MR1: variants seen among roughly 807,000 people sequenced by gnomAD.
MR1 encodes the protein major histocompatibility complex class I-related protein 1.
Under a neutral mutation model 37.8 loss-of-function variants are expected in MR1, and 44 were observed. The ratio of observed to expected loss-of-function variants is 1.16; its 90% confidence interval spans 0.91 to 1.50. The LOEUF (loss-of-function observed/expected upper bound fraction) is 1.50. Ranked by LOEUF, MR1 falls within the 40% of genes most tolerant of loss-of-function variation. The pLI, the probability that MR1 is intolerant of heterozygous loss-of-function variation, is 0.00. For missense variants in MR1, 386 were observed against 419.1 expected (o/e 0.92, Z 0.69); for synonymous variants, 153 against 155.8 (o/e 0.98, Z 0.13).
intron 2 of MR1, 100 bp from the exon 3 acceptor site, chr1:181,049,911 G>T (rs1191829577): frequency 1.0e-5 from 14 of 1,395,686 alleles, no homozygotes; most frequent in Non-Finnish European, 1.3e-5. Context: ...GTGACATAAT[G>T]TAGACCAAAG....
chr1:181,055,974 T>C lies in MR1; in HGVS notation c.*709T>C, dbSNP rs16856699. ...TCTATGGAGGTAGTCTCACCCTTTT[T>C]GTCTTTTGTGGGAAATTAAGAGAAA... On this transcript the variant is annotated 3_prime_UTR_variant, in exon 6 of 6. Coordinates refer to ENST00000367580, the MANE Select transcript of MR1 (RefSeq NM_001385161.1). 0.3 allele frequency: 46,018 copies of C among 152,104 alleles called. 8,526 individuals carry two copies. Among genetic ancestry groups the C allele is most frequent in the East Asian group, 0.67 (3,459 of 5,176 alleles). 9.4% of individuals were successfully genotyped at this position (152,104 alleles called of 1,614,324 possible).
intron 1 of MR1, among the ~76,000 whole-genome samples, chr1:181,043,047 G>A (rs1047184534): frequency 6.6e-6 from 1 of 152,154 alleles, no homozygotes; most frequent in Non-Finnish European, 1.5e-5. Flanking sequence ...GGAAACAGAA[G>A]GCAGAATCTG....
intron 1 of MR1, among the ~76,000 whole-genome samples, chr1:181,037,558 C>T (rs754114808): frequency 6.6e-5 from 10 of 152,142 alleles, no homozygotes; most frequent in Non-Finnish European, 1.5e-4. Context: ...CACAGTATTG[C>T]TAAGAGCTGG....
intron 1 of MR1, among the ~76,000 whole-genome samples, chr1:181,039,891 AAAG>A (rs1657468228): frequency 6.6e-6 from 1 of 152,022 alleles, no homozygotes; most frequent in Admixed American, 6.6e-5. Context: ...AGAAAAAAGA[AAAG>A]AAAAATTGCC....
chr1:181,042,921 C>G (rs1367654955), intron 1 of MR1, among the ~76,000 whole-genome samples: 1 of 152,176 alleles, frequency 6.6e-6, no homozygotes, highest in African/African-American at 2.4e-5. Flanking sequence ...TACCAAGCTA[C>G]TACCATGTGC....
rs1658856527 is a variant in MR1 at position 181,060,639 on chromosome 1, A to G, written c.*5374A>G. 2 of 152,174 alleles carry G rather than the reference A, an allele frequency of 1.3e-5. No individual in the cohort carries two copies. Among genetic ancestry groups the G allele is most frequent in the South Asian group, 4.1e-4 (2 of 4,830 alleles). The allele number at this position is 152,174 out of a possible 1,614,324, so 9.4% of individuals were successfully genotyped here. A position where few individuals can be genotyped will look rare whatever the true frequency, so the allele number is the denominator to read the frequency against. On this transcript the variant is annotated 3_prime_UTR_variant, in exon 6 of 6. Coordinates refer to ENST00000367580, the MANE Select transcript of MR1 (RefSeq NM_001385161.1). ...AAATGTTCTTCCTTTAAATCACAAC[A>G]CTTAGTTCTCTTCCATTTATAAGAC...
intron 1 of MR1, among the ~76,000 whole-genome samples, chr1:181,045,878 G>A (rs1251560278): frequency 6.6e-6 from 1 of 152,252 alleles, no homozygotes; most frequent in Non-Finnish European, 1.5e-5. Context: ...GCGCTTGCGG[G>A]CCAGCTGGAG....
At chr1:181,043,064 A>G (rs1230540551) in intron 1 of MR1, among the ~76,000 whole-genome samples, 2 of 152,166 alleles carry the variant, frequency 1.3e-5, no homozygotes, top group Admixed American at 6.5e-5. Flanking sequence ...TCTGGTAGCT[A>G]TTGGTTTTAC....
chr1:181,053,496 C>T, intron 4 of MR1, 77 bp from the exon 5 acceptor site: 1 of 1,107,204 alleles, frequency 9.0e-7, no homozygotes, highest in African/African-American at 1.5e-5. Context: ...CTGATGATCA[C>T]AGGGACAAAA....
intron 5 of MR1, 114 bp from the exon 6 acceptor site, chr1:181,055,111 G>A (rs769520718): frequency 3.3e-6 from 3 of 917,786 alleles, no homozygotes; most frequent in Non-Finnish European, 5.3e-6. Context: ...TCTTGACAAA[G>A]CAAGCTAAAA....
chr1:181,049,873 C>G (rs1214349659), intron 2 of MR1, 138 bp from the exon 3 acceptor site: 2 of 980,460 alleles, frequency 2.0e-6, no homozygotes, highest in African/African-American at 3.3e-5. Flanking sequence ...CTCCTGGGGA[C>G]TCAGCGATGC....
chr1:181,044,056 C>T (rs371957034), intron 1 of MR1, among the ~76,000 whole-genome samples: 27 of 150,692 alleles, frequency 1.8e-4, no homozygotes, highest in Non-Finnish European at 3.4e-4. Context: ...CTCCGCCTCC[C>T]GGGTTCACAC....
Position 181,049,100 on chromosome 1 carries a change from A to G in MR1, c.116A>G (p.His39Arg), listed in dbSNP as rs2236410. 257,505 of 1,613,918 alleles carry G rather than the reference A, an allele frequency of 0.16. 22,152 individuals are homozygous for G. Among genetic ancestry groups the G allele is most frequent in the East Asian group, 0.36 (16,087 of 44,870 alleles). ...CGCCTGGGCGTTTCGGATCCCATCC[A>G]TGGGGTCCCTGAATTTATTTCGGTT... ...YFRLGVSDPI[H>R]GVPEFISVGY... Residue 39 changes from histidine (H) to arginine (R), a missense_variant, in exon 2 of 6, where the codon CAT (histidine) becomes CGT (arginine). Transcript: ENST00000367580.
At chr1:181,037,951 C>T (rs538991138) in intron 1 of MR1, among the ~76,000 whole-genome samples, 1 of 152,222 alleles carries the variant, frequency 6.6e-6, no homozygotes, top group Admixed American at 6.5e-5. Context: ...GTCCCTCTAT[C>T]TAAAAGATCA....
Position 181,057,939 on chromosome 1 carries a change from G to A in MR1, c.*2674G>A, listed in dbSNP as rs1658703985. ...GCAGAAGAACCGCTTGAACCCGGGA[G>A]GCAGAGGTTGTGGTGAGCCGAGATC... On this transcript the variant is annotated 3_prime_UTR_variant, in exon 6 of 6. Transcript: ENST00000367580. The A allele has an allele frequency of 6.6e-6, 1 of 152,300 alleles. No homozygotes were observed. The highest frequency in any genetic ancestry group is 2.1e-4 in the South Asian group (1 of 4,830). 9.4% of individuals were successfully genotyped at this position (152,300 alleles called of 1,614,324 possible).
Position 181,034,035 on chromosome 1 carries a change from C to T in MR1, c.28C>T (p.Pro10Ser). 2 of 1,613,128 alleles carry T rather than the reference C, an allele frequency of 1.2e-6. No individual in the cohort carries two copies. Among genetic ancestry groups the T allele is most frequent in the Middle Eastern group, 1.7e-4 (1 of 6,058 alleles). The change falls in exon 1 of 6, where the codon CCT becomes TCT. Residue 10 changes from proline to serine, a missense_variant. By Grantham distance (74) the Pro-to-Ser change is moderately conservative. Transcript: ENST00000367580. MGELMAFLL[P>S]LIIVLMVKHS... Reference sequence around the variant, plus strand: ...GGGGGAACTGATGGCGTTCCTGTTACCTCTCATCATTGTGTTAATGGTGAA... The same window carrying T: ...GGGGGAACTGATGGCGTTCCTGTTATCTCTCATCATTGTGTTAATGGTGAA...
intron 1 of MR1, among the ~76,000 whole-genome samples, chr1:181,043,892 T>A (rs1657705675): frequency 6.6e-6 from 1 of 150,724 alleles, no homozygotes; most frequent in African/African-American, 2.4e-5. Context: ...AAAAGAAAAA[T>A]ATAAACAAAC....
At chr1:181,050,341 C>G in intron 3 of MR1, 55 bp downstream of exon 3, 1 of 1,602,622 alleles carries the variant, frequency 6.2e-7, no homozygotes, top group East Asian at 2.2e-5. Context: ...TGTTTTTATA[C>G]GTAACTCTTT....
At position 181,055,273 on chromosome 1, in the gene MR1, T is replaced by A; in HGVS notation, c.*8T>A. Reference sequence around the variant, plus strand: ...CCAACACCAGATCGATGATTGCAGATCCCTCTTTTCCAGTTCTCCTTCCTC... The same window carrying A: ...CCAACACCAGATCGATGATTGCAGAACCCTCTTTTCCAGTTCTCCTTCCTC... On this transcript the variant is annotated 3_prime_UTR_variant, in exon 6 of 6. Transcript: ENST00000367580. 1 of 1,610,700 alleles carries A rather than the reference T, an allele frequency of 6.2e-7. No homozygotes were observed. Among genetic ancestry groups the A allele is most frequent in the Middle Eastern group, 1.7e-4 (1 of 6,058 alleles).
Sources: gnomAD v4.1 joint callset for allele counts (sites outside exome capture counted in the v4.1 genomes callset) on GRCh38, gnomAD v4.1.1 for gene constraint, MANE v1.5 for transcripts, NCBI Gene and HGNC (gene_info 2026-07-23, HGNC 2026-07-21) for gene names.